CACNA1H: variants seen among roughly 807,000 people sequenced by gnomAD.
CACNA1H encodes the protein voltage-dependent T-type calcium channel subunit alpha-1H.
CACNA1H carries 149 observed loss-of-function variants against 192.5 expected under a neutral mutation model. The ratio of observed to expected loss-of-function variants is 0.77; its 90% confidence interval spans 0.68 to 0.89. CACNA1H has a LOEUF of 0.89. Among genes scored for constraint, CACNA1H ranks in the 40% least tolerant of loss-of-function variants. The pLI is 0.00. For synonymous variants in CACNA1H, 2,202 were observed against 1,475.2 expected (o/e 1.49, Z -11.29); for missense variants, 4,257 against 3,423.5 (o/e 1.24, Z -6.08).
rs780350191 is a variant in CACNA1H at position 1,208,063 on chromosome 16, C to A, written c.3205C>A (p.Arg1069=). 1 of 1,605,988 alleles carries A rather than the reference C, an allele frequency of 6.2e-7. No homozygotes were observed. The highest frequency in any genetic ancestry group is 8.5e-7 in the Non-Finnish European group (1 of 1,177,254). Reference sequence around the variant, plus strand: ...GACCCCCAACGGGCACCTGGAGGGACGAGGCAGCCTGTCCCCTCCCCTCAT... The same window carrying A: ...GACCCCCAACGGGCACCTGGAGGGAAGAGGCAGCCTGTCCCCTCCCCTCAT... ...AVTPNGHLEG[R]GSLSPPLIMC... Residue 1069 remains arginine (R), a synonymous_variant, in exon 16 of 35, where the codon CGA becomes AGA. Transcript: ENST00000348261.
chr16:1,188,674 G>A (rs905878994), intron 2 of CACNA1H, among the ~76,000 whole-genome samples: 1 of 152,218 alleles, frequency 6.6e-6, no homozygotes, highest in Admixed American at 6.5e-5. Flanking sequence ...TTTCAAGCTG[G>A]GAAGAGCAGT....
At chr16:1,170,473 C>T (rs538215712) in intron 2 of CACNA1H, among the ~76,000 whole-genome samples, 2 of 152,224 alleles carry the variant, frequency 1.3e-5, no homozygotes, top group East Asian at 1.9e-4. Flanking sequence ...AGCGGGTGGA[C>T]GGGAGGAGAT....
chr16:1,205,975 C>A, intron 11 of CACNA1H, 129 bp from the exon 12 acceptor site: 3 of 828,532 alleles, frequency 3.6e-6, no homozygotes, highest in Admixed American at 5.7e-5. Flanking sequence ...TGCAGCCATA[C>A]CCTCTCCCAT....
At position 1,204,478 on chromosome 16, in the gene CACNA1H, C is replaced by T. The variant is rs144765479; in HGVS notation, c.2451+20C>T. On this transcript the variant is annotated intron_variant, in intron 10 of 34. Transcript: ENST00000348261. ...GAGCAGGTGCGGGCTGGCCTGGCCA[C>T]GGGGTGGGCTCCCTGTCAGGCTTGC... 233 of 1,511,870 alleles carry T rather than the reference C, an allele frequency of 1.5e-4. 1 individual carries two copies. The African/African-American group carries it at 2.6e-3, about 17-fold the overall frequency. 93.7% of individuals were successfully genotyped at this position (1,511,870 alleles called of 1,614,324 possible). A position where few individuals can be genotyped will look rare whatever the true frequency, so the allele number is the denominator to read the frequency against.
Position 1,162,683 on chromosome 16 carries a change from C to T in CACNA1H, c.299+8647C>T, listed in dbSNP as rs1473616886. On this transcript the variant is annotated intron_variant, in intron 2 of 34. Transcript: ENST00000348261. Reference sequence around the variant, plus strand: ...CTAGGAGGAGCCGAGCGTCTTGGGACCCTGTGAAGGGGTCTGGGGGCCGCA... The same window carrying T: ...CTAGGAGGAGCCGAGCGTCTTGGGATCCTGTGAAGGGGTCTGGGGGCCGCA... Among the ~76,000 whole-genome samples, 8 of 149,880 alleles carry T rather than the reference C, an allele frequency of 5.3e-5. 1 individual carries two copies. The highest frequency in any genetic ancestry group is 2.0e-4 in the African/African-American group (8 of 40,060).
intron 2 of CACNA1H, among the ~76,000 whole-genome samples, chr16:1,190,808 C>T (rs1380738076): frequency 2.6e-5 from 4 of 152,078 alleles, no homozygotes; most frequent in East Asian, 3.8e-4. Flanking sequence ...GGTAGGGGCC[C>T]TGCAGACCCA....
chr16:1,185,029 C>T (rs1187567314), intron 2 of CACNA1H, among the ~76,000 whole-genome samples: 1 of 152,202 alleles, frequency 6.6e-6, no homozygotes, highest in Non-Finnish European at 1.5e-5. Flanking sequence ...ACCGCATCCC[C>T]ATCAGCCCTC....
intron 2 of CACNA1H, among the ~76,000 whole-genome samples, chr16:1,193,503 C>T (rs568532563): frequency 6.6e-6 from 1 of 152,248 alleles, no homozygotes; most frequent in African/African-American, 2.4e-5. Flanking sequence ...ACACTCTGGC[C>T]GCTGGGGTCG....
chr16:1,181,800 T>A (rs982995942), intron 2 of CACNA1H, among the ~76,000 whole-genome samples: 1 of 152,022 alleles, frequency 6.6e-6, no homozygotes, highest in African/African-American at 2.4e-5. Flanking sequence ...GTGTGTGAGT[T>A]CTCCACTTGT....
chr16:1,195,702 G>A, intron 4 of CACNA1H, 137 bp downstream of exon 4: 1 of 1,129,148 alleles, frequency 8.9e-7, no homozygotes, highest in Non-Finnish European at 1.3e-6. Flanking sequence ...GACCCTGTCT[G>A]GGACTCCGGA....
rs762252175 is a variant in CACNA1H at position 1,212,106 on chromosome 16, AGCGGCT to A, written c.4733_4738del (p.Leu1578_Arg1579del). 6.2e-7 allele frequency: 1 copy of A among 1,610,182 alleles called. No individual in the cohort carries two copies. The highest frequency in any genetic ancestry group is 8.5e-7 in the Non-Finnish European group (1 of 1,179,540). On this transcript the variant is annotated inframe_deletion, in exon 25 of 35. Coordinates refer to ENST00000348261, the MANE Select transcript of CACNA1H (RefSeq NM_021098.3). ...GAGGAGGCGCGGCGGCGAGAGGAGA[AGCGGCT>A]GCGGCGCCTAGAGAGGAGGCGCAGG... is the stretch of plus-strand genomic sequence containing the variant.
chr16:1,175,971 GGGCTGCCATGCTCCCAGGACATCCTGGT>G (rs1430431525), intron 2 of CACNA1H, among the ~76,000 whole-genome samples: 1 of 152,182 alleles, frequency 6.6e-6, no homozygotes, highest in African/African-American at 2.4e-5. Flanking sequence ...CCTGGCCTGG[GGGCTGCCATGCTCCCAGGACATCCTGGT>G]GGCTGCTGGG....
At chr16:1,188,526 G>A (rs1283359666) in intron 2 of CACNA1H, among the ~76,000 whole-genome samples, 1 of 151,706 alleles carries the variant, frequency 6.6e-6, no homozygotes, top group Non-Finnish European at 1.5e-5. Context: ...CAGGGTTCCC[G>A]CCACTCGCAG....
chr16:1,199,115 C>T (rs1292777488), intron 6 of CACNA1H, among the ~76,000 whole-genome samples: 2 of 55,604 alleles, frequency 3.6e-5, no homozygotes, highest in African/African-American at 7.5e-5. Context: ...AGTCGCTGCA[C>T]ATATGCCCCA....
intron 2 of CACNA1H, among the ~76,000 whole-genome samples, chr16:1,168,533 C>T (rs1284487517): frequency 6.6e-6 from 1 of 151,902 alleles, no homozygotes; most frequent in Non-Finnish European, 1.5e-5. Flanking sequence ...GGAGATGCAC[C>T]CTGGAGGCAG....
chr16:1,206,029 C>G (rs1968663259), intron 11 of CACNA1H, 75 bp from the exon 12 acceptor site: 21 of 1,417,994 alleles, frequency 1.5e-5, no homozygotes, highest in Admixed American at 6.7e-5. Context: ...TGGCTGGTGA[C>G]CCTGCTTCCA....
chr16:1,153,618 C>G (rs998486935), intron 1 of CACNA1H, 102 bp from the exon 2 acceptor site: 1 of 710,112 alleles, frequency 1.4e-6, no homozygotes, highest in African/African-American at 1.9e-5. Flanking sequence ...TAAGAAAAGA[C>G]AAAGACATCC....
chr16:1,204,585 G>T, intron 10 of CACNA1H, 127 bp downstream of exon 10: 1 of 717,886 alleles, frequency 1.4e-6, no homozygotes. Flanking sequence ...GCTCTAGAAA[G>T]CCGGGGATGG....
At chr16:1,171,096 C>G (rs1964322314) in intron 2 of CACNA1H, among the ~76,000 whole-genome samples, 1 of 152,178 alleles carries the variant, frequency 6.6e-6, no homozygotes. Flanking sequence ...ACGGCCAGGC[C>G]TTTGTCCCTG....
Sources: allele counts gnomAD v4.1 joint callset (sites outside exome capture counted in the v4.1 genomes callset), GRCh38; gene constraint gnomAD v4.1.1; transcripts MANE v1.5; gene names NCBI Gene and HGNC (gene_info 2026-07-23, HGNC 2026-07-21).